SLC6A17: variants seen among roughly 807,000 people sequenced by gnomAD.
SLC6A17 encodes sodium-dependent neutral amino acid transporter SLC6A17.
In SLC6A17, 21 loss-of-function variants were observed where a neutral mutation model predicts 64.5. The ratio of observed to expected loss-of-function variants is 0.33; its 90% CI spans 0.23 to 0.47. SLC6A17 has a LOEUF of 0.47. Among genes scored for constraint, SLC6A17 ranks in the 20% least tolerant of loss-of-function variants. The pLI is 1.00. For missense variants in SLC6A17, 682 were observed against 963.2 expected (o/e 0.71, Z 3.86); for synonymous variants, 372 against 399.5 (o/e 0.93, Z 0.82).
At chr1:110,167,255 A>G (rs1656091263) in intron 2 of SLC6A17, 40 bp downstream of exon 2, 1 of 1,583,920 alleles carries the variant, frequency 6.3e-7, no homozygotes. Flanking sequence ...TCCCCTGCAA[A>G]TAGGCCGGGG....
At chr1:110,188,343 G>A (rs1656740579) in intron 6 of SLC6A17, among the ~76,000 whole-genome samples, 3 of 152,186 alleles carry the variant, frequency 2.0e-5, no homozygotes, top group South Asian at 4.1e-4. Flanking sequence ...CAAGGGGGTG[G>A]GCCCCCAGCA....
chr1:110,192,440 C>A lies in SLC6A17; in HGVS notation c.1107-66C>A. ...TTCCCACCTGGGTGCCTGGGAAGAG[C>A]CTCCAGGATCTCACCCATTGCCCAC... On this transcript the variant is annotated intron_variant, in intron 7 of 11. Coordinates refer to ENST00000331565, the MANE Select transcript of SLC6A17 (RefSeq NM_001010898.4). This position sits in a 1 kb window ranked among gnomAD's most constrained non-coding sequence, Gnocchi z 4.3. 6.5e-7 allele frequency: 1 copy of A among 1,537,340 alleles called. No homozygotes were observed. The highest frequency in any genetic ancestry group is 8.8e-7 in the Non-Finnish European group (1 of 1,136,646).
intron 6 of SLC6A17, among the ~76,000 whole-genome samples, chr1:110,187,796 G>A (rs1656724450): frequency 1.3e-5 from 2 of 152,226 alleles, no homozygotes; most frequent in East Asian, 1.9e-4. Context: ...CATTTCTGGA[G>A]CATTCTTGAA....
chr1:110,191,883 T>C, intron 6 of SLC6A17, 89 bp from the exon 7 acceptor site: 1 of 1,539,714 alleles, frequency 6.5e-7, no homozygotes, highest in East Asian at 2.3e-5. Context: ...CTCTGAACTC[T>C]GTTGAGGCTG....
intron 6 of SLC6A17, among the ~76,000 whole-genome samples, chr1:110,182,930 T>C (rs1173424558): frequency 1.3e-5 from 2 of 151,610 alleles, no homozygotes; most frequent in Non-Finnish European, 2.9e-5. Context: ...AGCAGAGAAA[T>C]GAGAAATGGG....
At chr1:110,190,683 A>T (rs1420482318) in intron 6 of SLC6A17, among the ~76,000 whole-genome samples, 2 of 152,226 alleles carry the variant, frequency 1.3e-5, no homozygotes, top group Non-Finnish European at 2.9e-5. Flanking sequence ...GCTTGTCACC[A>T]CAGGGAAGTG....
chr1:110,161,153 C>T (rs977817000), intron 1 of SLC6A17, among the ~76,000 whole-genome samples: 6 of 152,162 alleles, frequency 3.9e-5, no homozygotes, highest in African/African-American at 1.2e-4. Context: ...AGGTGACTGT[C>T]AGAGGTTTTA....
intron 2 of SLC6A17, 46 bp downstream of exon 2, chr1:110,167,261 C>A: frequency 6.4e-7 from 1 of 1,572,720 alleles, no homozygotes; most frequent in South Asian, 1.2e-5. Flanking sequence ...GCAAATAGGC[C>A]GGGGATGAGG....
At chr1:110,182,538 C>G (rs1372002918) in intron 6 of SLC6A17, among the ~76,000 whole-genome samples, 1 of 151,720 alleles carries the variant, frequency 6.6e-6, no homozygotes, top group Non-Finnish European at 1.5e-5. Flanking sequence ...GAGAAGAGAG[C>G]TGAGCACTGG....
rs1656263595 is a variant in SLC6A17, at chr1:110,172,289, C to T, written c.444+72C>T. 9 of 1,503,098 alleles carry T rather than the reference C, an allele frequency of 6.0e-6. No homozygotes were observed. The South Asian group carries it at 8.9e-5, about 15-fold the overall frequency. 93.1% of individuals were successfully genotyped at this position (1,503,098 alleles called of 1,614,324 possible). On this transcript the variant is annotated intron_variant, in intron 3 of 11. Coordinates refer to ENST00000331565, the MANE Select transcript of SLC6A17 (RefSeq NM_001010898.4). ...CTCCTGGGCATTGGAGACGAGGTCA[C>T]CGAGTTTCCAGGCCAGAGTCCTACG... is the stretch of plus-strand genomic sequence containing the variant.
At position 110,198,489 on chromosome 1, in the gene SLC6A17, C is replaced by T. The variant is rs1657033747; in HGVS notation, c.*45C>T. 3 of 1,567,908 alleles carry T rather than the reference C, an allele frequency of 1.9e-6. No homozygotes were observed. Among genetic ancestry groups the T allele is most frequent in the East Asian group, 2.2e-5 (1 of 44,532 alleles). ...CGCCTCTCCCCCCACGCTCAACCTGCCCACTTGTCCAGGCCTGGCCTCTTT... is the reference window on the plus strand; with the variant it reads ...CGCCTCTCCCCCCACGCTCAACCTGTCCACTTGTCCAGGCCTGGCCTCTTT... On this transcript the variant is annotated 3_prime_UTR_variant, in exon 12 of 12. Coordinates refer to ENST00000331565, the MANE Select transcript of SLC6A17 (RefSeq NM_001010898.4).
intron 1 of SLC6A17, among the ~76,000 whole-genome samples, chr1:110,153,003 C>T (rs1171649036): frequency 6.6e-6 from 1 of 152,204 alleles, no homozygotes; most frequent in Non-Finnish European, 1.5e-5. Flanking sequence ...ACCCTCAAGT[C>T]TCCCCATGAG....
At chr1:110,151,431 C>T (rs1393318842) in intron 1 of SLC6A17, among the ~76,000 whole-genome samples, 2 of 152,236 alleles carry the variant, frequency 1.3e-5, no homozygotes, top group African/African-American at 2.4e-5. Flanking sequence ...TCGCTGGATT[C>T]GGAGCTAGCA....
At chr1:110,188,458 C>T (rs186869933) in intron 6 of SLC6A17, among the ~76,000 whole-genome samples, 8 of 152,298 alleles carry the variant, frequency 5.3e-5, no homozygotes, top group East Asian at 1.9e-4. Flanking sequence ...ACCTTCCTTC[C>T]GGCATACTCA....
intron 9 of SLC6A17, among the ~76,000 whole-genome samples, chr1:110,195,157 G>A (rs912610775): frequency 4.6e-5 from 7 of 152,196 alleles, no homozygotes; most frequent in South Asian, 2.1e-4. Flanking sequence ...AGTTCCCTTC[G>A]GGGTTTGCTG....
chr1:110,156,347 A>G (rs1461627786), intron 1 of SLC6A17, among the ~76,000 whole-genome samples: 2 of 152,160 alleles, frequency 1.3e-5, no homozygotes, highest in Non-Finnish European at 2.9e-5. Context: ...GAACTTCCCA[A>G]CCAGTGCCAC....
At position 110,194,561 on chromosome 1, in the gene SLC6A17, T is replaced by C; in HGVS notation, c.1300-18T>C. The C allele has an allele frequency of 6.2e-7, 1 of 1,609,562 alleles. No homozygotes were observed. The highest frequency in any genetic ancestry group is 8.5e-7 in the Non-Finnish European group (1 of 1,176,356). On this transcript the variant is annotated intron_variant, in intron 8 of 11. Transcript: ENST00000331565. ...GGAGGGGTGACCTCACAGGCCCTGC[T>C]TTCCACCCCACCTTCAGTCCGTGCA... is the stretch of plus-strand genomic sequence containing the variant.
intron 8 of SLC6A17, among the ~76,000 whole-genome samples, chr1:110,194,239 C>T (rs987150988): frequency 4.6e-5 from 7 of 152,140 alleles, no homozygotes; most frequent in Non-Finnish European, 8.8e-5. Flanking sequence ...GTGGCTGGAG[C>T]AATCAGGAAA....
rs62000400 is a variant in SLC6A17, at chr1:110,174,078, G to A, written c.550G>A (p.Val184Ile). Residue 184 changes from valine (V) to isoleucine (I), a missense_variant, in exon 4 of 12, where the codon GTC (valine) becomes ATC (isoleucine). Val to Ile is a conservative substitution (Grantham distance 29). Around this residue, in one of 3 missense-constraint regions of SLC6A17, gnomAD observed 415 missense variants for 603.8 expected, o/e 0.69. Coordinates refer to ENST00000331565, the MANE Select transcript of SLC6A17 (RefSeq NM_001010898.4). ...GCTGCCCTGGAGTGAATGTCCTGTC[G>A]TCAGGAATGGGAGCGTGGCAGGCAA... is the stretch of plus-strand genomic sequence containing the variant. ...YPLPWSECPVVRNGSVAVVEA... is the reference protein window; with the variant it reads ...YPLPWSECPVIRNGSVAVVEA... 6.3e-5 allele frequency: 102 copies of A among 1,614,110 alleles called. No individual in the cohort carries two copies. The highest frequency in any genetic ancestry group is 5.1e-4 in the East Asian group (23 of 44,878).
Sources: allele counts gnomAD v4.1 joint callset (sites outside exome capture counted in the v4.1 genomes callset), GRCh38; gene constraint gnomAD v4.1.1; regional missense constraint gnomAD v4.1.1; non-coding constraint Gnocchi (gnomAD v3.1); transcripts MANE v1.5; gene names NCBI Gene and HGNC (gene_info 2026-07-23, HGNC 2026-07-21).